Variants in CCDC171 observed in about 807,000 individuals in gnomAD.
CCDC171 encodes the protein coiled-coil domain-containing protein 171.
A neutral mutation model predicts 168.2 loss-of-function variants in CCDC171; 177 were observed. The ratio of observed to expected loss-of-function variants is 1.05; its 90% confidence interval spans 0.93 to 1.19. CCDC171 has a LOEUF of 1.19. Ranked by LOEUF, CCDC171 falls within the 50% of genes most tolerant of loss-of-function variation. CCDC171 has a pLI of 0.00. For missense variants in CCDC171, 1,991 were observed against 1,539.0 expected (o/e 1.29, Z -4.91); for synonymous variants, 687 against 540.8 (o/e 1.27, Z -3.75).
chr9:16,078,173 T>C, the CCDC171 span, among the ~76,000 whole-genome samples: 3 of 151,960 alleles, frequency 2.0e-5, no homozygotes, highest in African/African-American at 7.3e-5. Context: ...AAACATCACA[T>C]TGTACACCTT....
chr9:16,000,342 TG>T (rs1486202218), intron 3 of CCDC171, among the ~76,000 whole-genome samples: 1 of 152,220 alleles, frequency 6.6e-6, no homozygotes, highest in Non-Finnish European at 1.5e-5. Context: ...TGCTGTTTTT[TG>T]TTACCTCTCC....
chr9:15,912,229 C>T lies in CCDC171; in HGVS notation c.3601-8041C>T, dbSNP rs193002802. Among the ~76,000 whole-genome samples, 221 of 152,222 alleles carry T rather than the reference C, an allele frequency of 1.5e-3. 4 individuals are homozygous for T. Among genetic ancestry groups the T allele is most frequent in the Non-Finnish European group, 4.1e-4 (28 of 68,002 alleles). ...TTGTGTCCTTTCTTATTTCCTTGAG[C>T]GGTGGTTTGTAGTTCTCCTTGAAGA... On this transcript the variant is annotated intron_variant, in intron 24 of 25. Transcript: ENST00000380701.
chr9:15,799,416 G>T (rs950610861), intron 21 of CCDC171, among the ~76,000 whole-genome samples: 1 of 151,298 alleles, frequency 6.6e-6, no homozygotes, highest in Non-Finnish European at 1.5e-5. Flanking sequence ...TATGTAATGT[G>T]TCTTTTTTTC....
intron 7 of CCDC171, among the ~76,000 whole-genome samples, chr9:15,633,407 A>G (rs1171739943): frequency 6.6e-6 from 1 of 152,232 alleles, no homozygotes; most frequent in Admixed American, 6.5e-5. Context: ...ATGCAGCCAA[A>G]AAAACACATG....
rs115583027 is a variant in CCDC171 at position 15,615,892 on chromosome 9, C to T, written c.676-7375C>T. On this transcript the variant is annotated intron_variant, in intron 6 of 25. Transcript: ENST00000380701. ...CTCCTAGGCACAAGTGATCCTCCCA[C>T]CTCAGCCCTCCAAGTACTGGGACCA... Among the ~76,000 whole-genome samples the T allele has an allele frequency of 6.0e-3, 907 of 152,040 alleles. 8 individuals are homozygous for T. Among genetic ancestry groups the T allele is most frequent in the African/African-American group, 0.021 (883 of 41,466 alleles).
intron 3 of CCDC171, among the ~76,000 whole-genome samples, chr9:16,007,127 A>T (rs1832726239): frequency 6.6e-6 from 1 of 152,170 alleles, no homozygotes; most frequent in Non-Finnish European, 1.5e-5. Context: ...CGCCTTTCTA[A>T]CTGCTATGAG....
intron 25 of CCDC171, among the ~76,000 whole-genome samples, chr9:15,923,971 A>G (rs191996782): frequency 2.6e-5 from 4 of 151,518 alleles, no homozygotes; most frequent in South Asian, 4.1e-4. Flanking sequence ...GCTTATATAT[A>G]ATGTGTTACT....
In CCDC171 at chr9:16,002,313, G is replaced by A. The variant is rs1832573373; in HGVS notation, n.369-18276G>A. 2.0e-5 allele frequency among the ~76,000 whole-genome samples: 3 copies of A among 152,064 alleles called. No homozygotes were observed. In the South Asian group the frequency reaches 6.2e-4, roughly 32 times the overall value. On this transcript the variant is annotated intron_variant and non_coding_transcript_variant, in intron 3 of 9. Coordinates refer to the CCDC171 transcript ENST00000486641. ...TTATTGCTCCTGGAGACCCTCCTAT[G>A]AAAGTGGAAGACAGTGATACTGATG...
the CCDC171 span, among the ~76,000 whole-genome samples, chr9:16,070,025 G>A: frequency 3.3e-5 from 5 of 152,150 alleles, no homozygotes; most frequent in African/African-American, 1.2e-4. Context: ...GTCTGACTCT[G>A]CCTTGCTCTC....
chr9:15,646,930 C>A (rs1238522610), intron 7 of CCDC171, among the ~76,000 whole-genome samples: 2 of 152,182 alleles, frequency 1.3e-5, no homozygotes, highest in Admixed American at 6.5e-5. Flanking sequence ...CTCTCCACCC[C>A]AAATCAACAG....
chr9:15,563,057 TAGAA>T (rs2039442326), intron 1 of CCDC171, among the ~76,000 whole-genome samples: 1 of 151,594 alleles, frequency 6.6e-6, no homozygotes, highest in African/African-American at 2.4e-5. Flanking sequence ...AGTGGCCTGT[TAGAA>T]AGAACTTGAA....
Position 15,988,050 on chromosome 9 carries a change from GTTATAC to G in CCDC171, n.369-32534_369-32529del, listed in dbSNP as rs969687918. Among the ~76,000 whole-genome samples, 61 of 152,208 alleles carry G rather than the reference GTTATAC, an allele frequency of 4.0e-4. 1 individual carries two copies. Among genetic ancestry groups the G allele is most frequent in the African/African-American group, 1.4e-3 (57 of 41,500 alleles). On this transcript the variant is annotated intron_variant and non_coding_transcript_variant, in intron 3 of 9. Transcript: ENST00000486641. ...TATGCCAGCAGTAAACAATCCTTTT[GTTATAC>G]TTATTCACACATCAGTACTTAACAA...
intron 3 of CCDC171, among the ~76,000 whole-genome samples, chr9:16,002,985 T>TA (rs1248040799): frequency 6.6e-6 from 1 of 152,222 alleles, no homozygotes; most frequent in Non-Finnish European, 1.5e-5. Flanking sequence ...CACTCAACAT[T>TA]TGCACAATGA....
chr9:16,007,140 G>A (rs1444942340), intron 3 of CCDC171, among the ~76,000 whole-genome samples: 1 of 152,130 alleles, frequency 6.6e-6, no homozygotes, highest in Non-Finnish European at 1.5e-5. Flanking sequence ...GCTATGAGAT[G>A]GTATATCATT....
At position 16,047,437 on chromosome 9, in the gene CCDC171, GC is replaced by G. The variant is rs201428872; in HGVS notation, n.89+4553del. 7.8e-3 allele frequency among the ~76,000 whole-genome samples: 1,187 copies of G among 152,202 alleles called. 6 individuals are homozygous for G. The highest frequency in any genetic ancestry group is 0.014 in the Non-Finnish European group (941 of 68,018). On this transcript the variant is annotated intron_variant and non_coding_transcript_variant, in intron 1 of 1. Transcript: ENST00000478913. ...GTCTGTGTCCTCTTCACTACCTCCT[GC>G]CACTACTTTAGTACAGGTGCCTTTG...
chr9:15,652,164 T>G (rs2047577063), intron 7 of CCDC171, among the ~76,000 whole-genome samples: 1 of 152,204 alleles, frequency 6.6e-6, no homozygotes, highest in South Asian at 2.1e-4. Flanking sequence ...TTTTATGGTT[T>G]TTAGCTCATA....
At chr9:16,039,621 C>T (rs928463975), upstream of CCDC171, among the ~76,000 whole-genome samples, 4 of 152,216 alleles carry the variant, frequency 2.6e-5, no homozygotes, top group Non-Finnish European at 5.9e-5. Flanking sequence ...TGCTGTGCTA[C>T]TCCAGTAGCC....
At chr9:16,010,903 G>A (rs1196447833) in intron 3 of CCDC171, among the ~76,000 whole-genome samples, 1 of 152,060 alleles carries the variant, frequency 6.6e-6, no homozygotes, top group East Asian at 1.9e-4. Context: ...AGGTCCCCAG[G>A]GATACCCACA....
chr9:15,609,972 T>C (rs1479818824), intron 6 of CCDC171, among the ~76,000 whole-genome samples: 1 of 152,138 alleles, frequency 6.6e-6, no homozygotes, highest in Non-Finnish European at 1.5e-5. Context: ...TTTCCATCTT[T>C]TTATATTTTT....
Sources: allele counts gnomAD v4.1 joint callset (sites outside exome capture counted in the v4.1 genomes callset), GRCh38; gene constraint gnomAD v4.1.1; transcripts MANE v1.5; gene names NCBI Gene and HGNC (gene_info 2026-07-23, HGNC 2026-07-21).